The following ASCC3 variants were observed in gnomAD, a reference collection of about 807,000 sequenced individuals.
The protein encoded by ASCC3 is ASC-1 complex subunit P200.
A neutral mutation model predicts 256.3 loss-of-function variants in ASCC3; 158 were observed. The ratio of observed to expected loss-of-function variants is 0.62; its 90% CI spans 0.54 to 0.70. ASCC3 has a LOEUF of 0.70. ASCC3 is among the 30% of genes least tolerant of loss of function. ASCC3 has a pLI of 0.00. For missense variants in ASCC3, 2,259 were observed against 2,626.0 expected (o/e 0.86, Z 3.05); for synonymous variants, 948 against 883.4 (o/e 1.07, Z -1.30).
At chr6:100,712,499 AG>A (rs1462543895) in intron 13 of ASCC3, among the ~76,000 whole-genome samples, 1 of 152,192 alleles carries the variant, frequency 6.6e-6, no homozygotes, top group African/African-American at 2.4e-5. Context: ...GCAAATGTCA[AG>A]CATATGAAAA....
intron 37 of ASCC3, chr6:100,530,362 G>A: frequency 1.5e-6 from 2 of 1,307,496 alleles, no homozygotes; most frequent in Non-Finnish European, 2.2e-6. Context: ...GCAGTAAGTT[G>A]TCTATCTCAA....
chr6:100,559,385 A>G (rs952022390), intron 36 of ASCC3, among the ~76,000 whole-genome samples: 2 of 152,190 alleles, frequency 1.3e-5, no homozygotes, highest in Non-Finnish European at 2.9e-5. Flanking sequence ...AAAACAAAAA[A>G]CCCACAAAAG....
intron 30 of ASCC3, 148 bp from the exon 31 acceptor site, chr6:100,607,236 A>C: frequency 2.5e-6 from 2 of 799,566 alleles, no homozygotes; most frequent in Non-Finnish European, 4.0e-6. Flanking sequence ...ATTAAAGTTC[A>C]ACTAACTGAA....
At chr6:100,662,626 A>G in intron 14 of ASCC3, 90 bp from the exon 15 acceptor site, 1 of 1,252,124 alleles carries the variant, frequency 8.0e-7, no homozygotes, top group East Asian at 2.5e-5. Flanking sequence ...CAAAGAAATC[A>G]GAAAATTATT....
intron 36 of ASCC3, among the ~76,000 whole-genome samples, chr6:100,558,349 T>C (rs951328171): frequency 6.6e-6 from 1 of 152,126 alleles, no homozygotes; most frequent in African/African-American, 2.4e-5. Context: ...GACCCTCAAA[T>C]TTCTGAGTAA....
At position 100,631,116 on chromosome 6, in the gene ASCC3, G is replaced by T; in HGVS notation, c.4208+12C>A. 1 of 1,578,272 alleles carries T rather than the reference G, an allele frequency of 6.3e-7. No homozygotes were observed. Among genetic ancestry groups the T allele is most frequent in the Non-Finnish European group, 8.7e-7 (1 of 1,149,268 alleles). ...TTCAAAGCGTATCTTTTGAGTAAAA[G>T]TAAGAACTTACTTTTTACCAAGTTT... On this transcript the variant is annotated intron_variant, in intron 26 of 41. Transcript: ENST00000369162.
At chr6:100,628,714 T>C (rs1215682109) in intron 27 of ASCC3, among the ~76,000 whole-genome samples, 8 of 152,080 alleles carry the variant, frequency 5.3e-5, no homozygotes, top group Non-Finnish European at 7.4e-5. Flanking sequence ...AGCTGTAGAA[T>C]CTTGAGCCAA....
At chr6:100,736,590 A>G (rs1313437132) in intron 10 of ASCC3, among the ~76,000 whole-genome samples, 4 of 152,178 alleles carry the variant, frequency 2.6e-5, no homozygotes, top group African/African-American at 9.7e-5. Context: ...GCTTGTATAC[A>G]CTTAACCACA....
At chr6:100,548,913 T>C (rs1769147580) in intron 36 of ASCC3, among the ~76,000 whole-genome samples, 1 of 151,984 alleles carries the variant, frequency 6.6e-6, no homozygotes, top group South Asian at 2.1e-4. Context: ...TACATACATA[T>C]CTATGATAAA....
intron 30 of ASCC3, among the ~76,000 whole-genome samples, chr6:100,624,520 C>T (rs1774132443): frequency 6.6e-6 from 1 of 151,916 alleles, no homozygotes; most frequent in Admixed American, 6.6e-5. Flanking sequence ...TCTGATAATT[C>T]ATACATCAGT....
At chr6:100,628,954 A>G in intron 27 of ASCC3, 61 bp downstream of exon 27, 1 of 1,423,692 alleles carries the variant, frequency 7.0e-7, no homozygotes, top group Non-Finnish European at 9.7e-7. Flanking sequence ...TAAAAATACT[A>G]ATAATTAATA....
intron 8 of ASCC3, among the ~76,000 whole-genome samples, chr6:100,792,835 T>C (rs1479031665): frequency 6.6e-6 from 1 of 151,898 alleles, no homozygotes; most frequent in East Asian, 1.9e-4. Flanking sequence ...AACAGAAACT[T>C]TAACTTGAGT....
At chr6:100,737,230 T>TGG (rs1780217878) in intron 10 of ASCC3, among the ~76,000 whole-genome samples, 3 of 1,302 alleles carry the variant, frequency 2.3e-3, no homozygotes, top group Admixed American at 0.091. Context: ...GGACTCAAAG[T>TGG]TTTTTTTTTT....
At chr6:100,801,992 T>G (rs947729618) in intron 5 of ASCC3, among the ~76,000 whole-genome samples, 20 of 149,632 alleles carry the variant, frequency 1.3e-4, no homozygotes, top group African/African-American at 4.9e-4. Flanking sequence ...ATTAACATTT[T>G]AAGCAAATGT....
intron 8 of ASCC3, among the ~76,000 whole-genome samples, chr6:100,774,814 G>A (rs565801696): frequency 1.6e-4 from 24 of 152,148 alleles, no homozygotes; most frequent in African/African-American, 4.6e-4. Context: ...CTAGTTTGTC[G>A]TTTAAAGGAA....
chr6:100,530,817 T>TA, intron 37 of ASCC3: 1 of 1,201,078 alleles, frequency 8.3e-7, no homozygotes, highest in Non-Finnish European at 1.2e-6. Flanking sequence ...GGCCATTGCC[T>TA]ACTGGAACTT....
intron 13 of ASCC3, among the ~76,000 whole-genome samples, chr6:100,682,461 T>A (rs933512118): frequency 6.6e-6 from 1 of 152,200 alleles, no homozygotes; most frequent in African/African-American, 2.4e-5. Context: ...ATTAAAAACC[T>A]GCACAATTTA....
chr6:100,802,797 C>G (rs1769982549), intron 5 of ASCC3, among the ~76,000 whole-genome samples: 1 of 151,570 alleles, frequency 6.6e-6, no homozygotes, highest in Non-Finnish European at 1.5e-5. Context: ...GCTAGTAGTT[C>G]AAGACTACCC....
chr6:100,574,943 G>C (rs1430967141), intron 36 of ASCC3, among the ~76,000 whole-genome samples: 3 of 152,036 alleles, frequency 2.0e-5, no homozygotes, highest in Non-Finnish European at 2.9e-5. Context: ...ACCCAGAGAA[G>C]TAGAAAGATA....
Sources: allele counts gnomAD v4.1 joint callset (sites outside exome capture counted in the v4.1 genomes callset), GRCh38; gene constraint gnomAD v4.1.1; transcripts MANE v1.5; gene names NCBI Gene and HGNC (gene_info 2026-07-23, HGNC 2026-07-21).